Variants in ANKRD26 observed in about 807,000 individuals in gnomAD.
The protein encoded by ANKRD26 is ankyrin repeat domain-containing protein 26.
A neutral mutation model predicts 208.7 loss-of-function variants in ANKRD26; 141 were observed. The ratio of observed to expected loss-of-function variants is 0.68; its 90% CI spans 0.59 to 0.78. The LOEUF (loss-of-function observed/expected upper bound fraction) is 0.78. ANKRD26 is among the 30% of genes least tolerant of loss of function. The pLI, the probability that ANKRD26 is intolerant of heterozygous loss-of-function variation, is 0.00. For synonymous variants in ANKRD26, 636 were observed against 660.4 expected (o/e 0.96, Z 0.57); for missense variants, 1,889 against 1,938.7 (o/e 0.97, Z 0.48).
chr10:26,972,339 G>A (rs2052162867), downstream of ANKRD26, among the ~76,000 whole-genome samples: 1 of 151,390 alleles, frequency 6.6e-6, no homozygotes, highest in Non-Finnish European at 1.5e-5. Flanking sequence ...TCGGTAATAA[G>A]TTAGGAATTA....
the ANKRD26 span, among the ~76,000 whole-genome samples, chr10:26,954,887 T>C: frequency 2.4e-3 from 364 of 151,420 alleles, 2 homozygotes; most frequent in South Asian, 0.015. Context: ...AGAGGCAATT[T>C]CTAAACTTTT....
chr10:27,065,180 A>C (rs2055195602), intron 11 of ANKRD26, among the ~76,000 whole-genome samples: 1 of 149,822 alleles, frequency 6.7e-6, no homozygotes. Context: ...CTAACTACAA[A>C]CTCCCTCAAT....
At chr10:26,962,996 A>G in the ANKRD26 span, among the ~76,000 whole-genome samples, 1 of 152,030 alleles carries the variant, frequency 6.6e-6, no homozygotes, top group East Asian at 1.9e-4. Flanking sequence ...CTGCAACCCT[A>G]CTCGGTATAC....
chr10:27,056,237 G>T (rs1329709104), intron 15 of ANKRD26, among the ~76,000 whole-genome samples: 1 of 152,064 alleles, frequency 6.6e-6, no homozygotes, highest in Admixed American at 6.5e-5. Context: ...GAGGGCAATG[G>T]TGTGATCTTG....
At chr10:27,094,317 TATTTA>T (rs1280933298) in intron 1 of ANKRD26, among the ~76,000 whole-genome samples, 5 of 152,208 alleles carry the variant, frequency 3.3e-5, no homozygotes, top group Non-Finnish European at 7.3e-5. Flanking sequence ...TCAAAACAAG[TATTTA>T]ATTTTCTTCT....
chr10:27,078,910 T>TAAAAAAA (rs71281564), intron 7 of ANKRD26, among the ~76,000 whole-genome samples, 179 bp downstream of exon 7: 1 of 74,594 alleles, frequency 1.3e-5, no homozygotes. Context: ...TTTACCAAAG[T>TAAAAAAA]AAAAAAAAAA....
At chr10:27,092,805 G>A (rs921949887) in intron 3 of ANKRD26, among the ~76,000 whole-genome samples, 1 of 152,170 alleles carries the variant, frequency 6.6e-6, no homozygotes, top group African/African-American at 2.4e-5. Flanking sequence ...CTTCTAGGCT[G>A]AGCACAGTGG....
In ANKRD26 at chr10:27,029,319, C is replaced by A. The variant is rs1289561945; in HGVS notation, c.3845G>T (p.Arg1282Ile). 1 of 1,612,798 alleles carries A rather than the reference C, an allele frequency of 6.2e-7. No individual in the cohort carries two copies. The highest frequency in any genetic ancestry group is 8.5e-7 in the Non-Finnish European group (1 of 1,179,350). The change falls in exon 26 of 34, where the codon AGA becomes ATA. Residue 1282 changes from arginine (R) to isoleucine (I), a missense_variant. Coordinates refer to ENST00000376087, the MANE Select transcript of ANKRD26 (RefSeq NM_014915.3). The stretch of plus-strand genomic sequence containing the variant: ...GTGATCTTGCATCTTCTCAGCACAT[C>A]TGACAGCTTCTGTATGTCGATCCTG... Reference protein sequence around the residue: ...EAQDRHTEAVRCAEKMQDHKQ... With the variant: ...EAQDRHTEAVICAEKMQDHKQ...
At chr10:27,006,783 ATGTG>A (rs2052900363) in intron 33 of ANKRD26, 130 bp downstream of exon 33, 2 of 694,886 alleles carry the variant, frequency 2.9e-6, no homozygotes, top group African/African-American at 3.5e-5. Flanking sequence ...CTTTCATTAG[ATGTG>A]TGTAAGAAAG....
At position 27,004,151 on chromosome 10, in the gene ANKRD26, T is replaced by C. The variant is rs922906303; in HGVS notation, c.*1439A>G. On this transcript the variant is annotated 3_prime_UTR_variant, in exon 34 of 34. Coordinates refer to ENST00000376087, the MANE Select transcript of ANKRD26 (RefSeq NM_014915.3). ...AAAAAAAATCTGTATTAAGTACCTA[T>C]ATTCATATTCATCTAGAAAGACAGG... 1.3e-5 allele frequency: 2 copies of C among 152,142 alleles called. No homozygotes were observed. The highest frequency in any genetic ancestry group is 2.4e-5 in the African/African-American group (1 of 41,428). 9.4% of individuals were successfully genotyped at this position (152,142 alleles called of 1,614,324 possible). A position where few individuals can be genotyped will look rare whatever the true frequency, so the allele number is the denominator to read the frequency against.
chr10:27,015,677 G>A (rs970789463), intron 30 of ANKRD26, among the ~76,000 whole-genome samples: 3 of 152,056 alleles, frequency 2.0e-5, no homozygotes, highest in African/African-American at 4.8e-5. Flanking sequence ...AGCTGAGAAT[G>A]AGGAGTGAAG....
At chr10:27,058,459 T>C (rs1474282399) in intron 15 of ANKRD26, among the ~76,000 whole-genome samples, 4 of 152,212 alleles carry the variant, frequency 2.6e-5, no homozygotes, top group African/African-American at 9.6e-5. Flanking sequence ...TACATGCATG[T>C]ATTTTCTATT....
chr10:27,096,220 A>C (rs11015527), intron 1 of ANKRD26, among the ~76,000 whole-genome samples: 15,335 of 151,888 alleles, frequency 0.1, 2,545 homozygotes, highest in African/African-American at 0.35. Flanking sequence ...GAAATCAGCA[A>C]CTTTCCATCT....
downstream of ANKRD26, among the ~76,000 whole-genome samples, chr10:26,972,198 G>T (rs973777941): frequency 6.8e-6 from 1 of 147,278 alleles, no homozygotes; most frequent in Admixed American, 6.9e-5. Flanking sequence ...TCGTGCCACT[G>T]CACTCCAGCC....
chr10:27,060,808 G>A (rs2055027446), intron 13 of ANKRD26, among the ~76,000 whole-genome samples: 1 of 152,194 alleles, frequency 6.6e-6, no homozygotes, highest in Non-Finnish European at 1.5e-5. Context: ...ATAGAAAAGT[G>A]CACATATACC....
intron 9 of ANKRD26, among the ~76,000 whole-genome samples, chr10:27,070,741 C>T (rs578023806): frequency 1.3e-5 from 2 of 151,900 alleles, no homozygotes; most frequent in South Asian, 2.1e-4. Flanking sequence ...TCTTGGCTCA[C>T]TGCAACCTCC....
chr10:27,031,089 G>T (rs976155758), intron 25 of ANKRD26, among the ~76,000 whole-genome samples: 2 of 152,234 alleles, frequency 1.3e-5, no homozygotes, highest in Non-Finnish European at 2.9e-5. Context: ...AGGGGGAATT[G>T]TGTGCCAGGT....
chr10:27,010,270 A>G (rs2053051276), intron 32 of ANKRD26, among the ~76,000 whole-genome samples: 1 of 152,182 alleles, frequency 6.6e-6, no homozygotes, highest in African/African-American at 2.4e-5. Flanking sequence ...ATGTATACCA[A>G]TGGAATATTT....
chr10:26,951,839 G>C, the ANKRD26 span, among the ~76,000 whole-genome samples: 3 of 152,192 alleles, frequency 2.0e-5, no homozygotes, highest in Non-Finnish European at 4.4e-5. Flanking sequence ...GGGCCTTGTT[G>C]ACCCTGGAGG....
Sources: allele counts gnomAD v4.1 joint callset (sites outside exome capture counted in the v4.1 genomes callset), GRCh38; gene constraint gnomAD v4.1.1; transcripts MANE v1.5; gene names NCBI Gene and HGNC (gene_info 2026-07-23, HGNC 2026-07-21).